ABCC12: variants seen among roughly 807,000 people sequenced by gnomAD.
The protein encoded by ABCC12 is ATP-binding cassette sub-family C member 12.
ABCC12 carries 142 observed loss-of-function variants against 151.1 expected under a neutral mutation model. That is an observed-to-expected ratio of 0.94 (90% confidence interval 0.82 to 1.08). The LOEUF is 1.08. Ranked by LOEUF, ABCC12 falls within the 50% of genes least tolerant of loss-of-function variation. The pLI is 0.00. For synonymous variants in ABCC12, 645 were observed against 646.4 expected (o/e 1.00, Z 0.03); for missense variants, 1,638 against 1,691.1 (o/e 0.97, Z 0.55).
Position 48,138,251 on chromosome 16 carries a change from T to C in ABCC12, c.956A>G (p.Lys319Arg), listed in dbSNP as rs1480806697. The C allele has an allele frequency of 6.2e-7, 1 of 1,610,764 alleles. No individual in the cohort carries two copies. Among genetic ancestry groups the C allele is most frequent in the Middle Eastern group, 1.7e-4 (1 of 6,050 alleles). ...IRLIKMYAWEKSFTNTIQDIR... is the reference protein window; with the variant it reads ...IRLIKMYAWERSFTNTIQDIR... Reference sequence around the variant, plus strand: ...ACCTTGGATAGTGTTGGTAAAAGATTTCTCCCAGGCATACATTTTGATCAG... The same window carrying C: ...ACCTTGGATAGTGTTGGTAAAAGATCTCTCCCAGGCATACATTTTGATCAG... The change falls in exon 8 of 31, where the codon AAA (lysine) becomes AGA (arginine). Residue 319 changes from lysine (K) to arginine (R), a missense_variant. By Grantham distance (26) the Lys-to-Arg change is conservative. Transcript: ENST00000311303.
Position 48,115,421 on chromosome 16 carries a change from C to G in ABCC12, c.1983G>C (p.Gln661His), listed in dbSNP as rs1238443574. The change falls in exon 15 of 31, where the codon CAG (glutamine) becomes CAC (histidine). Residue 661 changes from glutamine (Q) to histidine (H), a missense_variant. By Grantham distance (24) the Gln-to-His change is conservative. Transcript: ENST00000311303. ...ATCCTGCATGTCCCATCACCTGTAGCTGGTGGGTCACCAGGACGACTGTCT... is the reference window on the plus strand; with the variant it reads ...ATCCTGCATGTCCCATCACCTGTAGGTGGTGGGTCACCAGGACGACTGTCT... Reference protein sequence around the residue: ...RGKTVVLVTHQLQFLESCDEV... With the variant: ...RGKTVVLVTHHLQFLESCDEV... 1 of 1,614,004 alleles carries G rather than the reference C, an allele frequency of 6.2e-7. No homozygotes were observed. The highest frequency in any genetic ancestry group is 8.5e-7 in the Non-Finnish European group (1 of 1,179,932).
At chr16:48,121,997 C>T (rs755428212) in intron 12 of ABCC12, among the ~76,000 whole-genome samples, 157 bp from the exon 13 acceptor site, 1 of 152,260 alleles carries the variant, frequency 6.6e-6, no homozygotes, top group Admixed American at 6.5e-5. Flanking sequence ...GAAAGCCCAA[C>T]CATGCAGATG....
intron 9 of ABCC12, 129 bp from the exon 10 acceptor site, chr16:48,131,024 A>G: frequency 1.6e-6 from 1 of 641,888 alleles, no homozygotes; most frequent in Non-Finnish European, 2.7e-6. Context: ...CAGAGGAACA[A>G]TCTTTTCATT....
At chr16:48,121,533 T>A in intron 13 of ABCC12, 183 bp downstream of exon 13, 1 of 699,970 alleles carries the variant, frequency 1.4e-6, no homozygotes, top group South Asian at 2.0e-5. Context: ...TCTGCAGAAG[T>A]CGCCTCTCCT....
intron 2 of ABCC12, among the ~76,000 whole-genome samples, chr16:48,151,284 C>T (rs1013925496): frequency 5.9e-5 from 9 of 152,234 alleles, no homozygotes; most frequent in East Asian, 1.9e-4. Context: ...AAACATCAGA[C>T]GAATCCCAAT....
rs1962745504 is a variant in ABCC12 at position 48,088,737 on chromosome 16, G to A, written c.3286-3C>T. On this transcript the variant is annotated splice_region_variant and splice_polypyrimidine_tract_variant and intron_variant, in intron 25 of 30. Coordinates refer to ENST00000311303, the MANE Select transcript of ABCC12 (RefSeq NM_001393797.1). ...TGAGTGCATTCAGGAACACAGGTCT[G>A]TAAAGGAGAATAACCAATGACCAGT... 11 of 1,605,530 alleles carry A rather than the reference G, an allele frequency of 6.9e-6. No homozygotes were observed. The highest frequency in any genetic ancestry group is 9.3e-6 in the Non-Finnish European group (11 of 1,176,990).
At chr16:48,139,425 T>C in intron 6 of ABCC12, 89 bp from the exon 7 acceptor site, 2 of 1,411,898 alleles carry the variant, frequency 1.4e-6, no homozygotes, top group Non-Finnish European at 1.9e-6. Context: ...CGAGGGGATC[T>C]AGGGAGAAAG....
At chr16:48,092,248 C>T (rs563012851) in intron 24 of ABCC12, among the ~76,000 whole-genome samples, 1 of 152,214 alleles carries the variant, frequency 6.6e-6, no homozygotes, top group Non-Finnish European at 1.5e-5. Context: ...GCGGTGAACC[C>T]AGATTGTACC....
intron 15 of ABCC12, 96 bp from the exon 16 acceptor site, chr16:48,112,006 G>A (rs749445098): frequency 1.5e-4 from 224 of 1,453,378 alleles, no homozygotes; most frequent in Non-Finnish European, 2.0e-4. Context: ...TGACTTTAGG[G>A]GCCAGATCAT....
At chr16:48,111,937 ACTT>A in intron 15 of ABCC12, 27 bp from the exon 16 acceptor site, 1 of 1,607,628 alleles carries the variant, frequency 6.2e-7, no homozygotes, top group East Asian at 2.2e-5. Context: ...TCGACAATGA[ACTT>A]CTGCCTGGAA....
At chr16:48,125,622 C>A (rs528148482) in intron 11 of ABCC12, among the ~76,000 whole-genome samples, 1 of 152,316 alleles carries the variant, frequency 6.6e-6, no homozygotes, top group East Asian at 1.9e-4. Context: ...CATGTTCAAG[C>A]AGATATTGCA....
chr16:48,114,219 G>A (rs2150622752), intron 15 of ABCC12, among the ~76,000 whole-genome samples: 1 of 152,230 alleles, frequency 6.6e-6, no homozygotes, highest in South Asian at 2.1e-4. Flanking sequence ...GCTTATTCCG[G>A]GACCAGAACT....
chr16:48,153,101 C>T (rs1011332569), intron 2 of ABCC12, among the ~76,000 whole-genome samples: 2 of 151,846 alleles, frequency 1.3e-5, no homozygotes, highest in African/African-American at 4.8e-5. Flanking sequence ...CACTCCTGCT[C>T]TAAAAAAATA....
Position 48,082,309 on chromosome 16 carries a change from C to G in ABCC12, c.*1406G>C, listed in dbSNP as rs1962375253. 6.6e-6 allele frequency among the ~76,000 whole-genome samples: 1 copy of G among 152,220 alleles called. No homozygotes were observed. The highest frequency in any genetic ancestry group is 1.5e-5 in the Non-Finnish European group (1 of 68,032). ...AAGGCCAGGTGTGCTCACCTCCCCG[C>G]TGGTTGGGTAGACCCCTGCCCAGGC... On this transcript the variant is annotated 3_prime_UTR_variant, in exon 31 of 31. Coordinates refer to ENST00000311303, the MANE Select transcript of ABCC12 (RefSeq NM_001393797.1).
intron 2 of ABCC12, among the ~76,000 whole-genome samples, chr16:48,150,700 TTTG>T (rs1421729381): frequency 6.6e-6 from 1 of 152,206 alleles, no homozygotes; most frequent in East Asian, 1.9e-4. Flanking sequence ...AGGTAAATTC[TTTG>T]TTATTAGGAT....
At chr16:48,103,433 G>A (rs1030947075) in intron 22 of ABCC12, among the ~76,000 whole-genome samples, 1 of 152,218 alleles carries the variant, frequency 6.6e-6, no homozygotes, top group Non-Finnish European at 1.5e-5. Context: ...AGCATTGGTT[G>A]TGTAGTCTCC....
chr16:48,131,833 C>A lies in ABCC12; in HGVS notation c.1129-938G>T, dbSNP rs1443700993. On this transcript the variant is annotated intron_variant, in intron 9 of 30. Transcript: ENST00000311303. ...TTCATTAAAAGGATAATGAAAGATG[C>A]TTCTATCACATCTGGTCCTAAATAC... Among the ~76,000 whole-genome samples, 3 of 152,230 alleles carry A rather than the reference C, an allele frequency of 2.0e-5. No homozygotes were observed. The East Asian group carries it at 5.8e-4, about 29-fold the overall frequency.
chr16:48,152,340 C>T (rs931836844), intron 2 of ABCC12, among the ~76,000 whole-genome samples: 2 of 152,160 alleles, frequency 1.3e-5, no homozygotes, highest in Non-Finnish European at 2.9e-5. Context: ...TGGTCTGGAT[C>T]GGAAGCAAGA....
At chr16:48,146,829 G>A in intron 2 of ABCC12, 1 of 208,512 alleles carries the variant, frequency 4.8e-6, no homozygotes, top group Non-Finnish European at 9.8e-6. Flanking sequence ...ATTACTCAGA[G>A]TTAAGTTTGG....
Sources: gnomAD v4.1 joint callset for allele counts (sites outside exome capture counted in the v4.1 genomes callset) on GRCh38, gnomAD v4.1.1 for gene constraint, MANE v1.5 for transcripts, NCBI Gene and HGNC (gene_info 2026-07-23, HGNC 2026-07-21) for gene names.